Variants in SORCS2 observed in about 807,000 individuals in gnomAD.
SORCS2 encodes sortilin related VPS10 domain containing receptor 2, also known as VPS10 domain-containing receptor SorCS2.
SORCS2 carries 100 observed loss-of-function variants against 141.6 expected under a neutral mutation model. The ratio of observed to expected loss-of-function variants is 0.71; its 90% CI spans 0.60 to 0.83. The LOEUF (loss-of-function observed/expected upper bound fraction) is 0.83. SORCS2 is among the 40% of genes least tolerant of loss of function. SORCS2 has a pLI of 0.00. For synonymous variants in SORCS2, 789 were observed against 676.9 expected (o/e 1.17, Z -2.57); for missense variants, 1,646 against 1,560.2 (o/e 1.05, Z -0.93).
chr4:7,448,527 T>TCTTC (rs372050346), intron 2 of SORCS2, among the ~76,000 whole-genome samples: 3 of 121,534 alleles, frequency 2.5e-5, no homozygotes, highest in South Asian at 3.0e-4. Flanking sequence ...TCCCTTCCTC[T>TCTTC]CTTCCTTCCT....
chr4:7,676,271 C>G (rs569628985), intron 9 of SORCS2, 42 bp downstream of exon 9: 2 of 1,539,004 alleles, frequency 1.3e-6, no homozygotes, highest in East Asian at 4.9e-5. Flanking sequence ...CCGCCGACCC[C>G]CTGCCCTCTG....
At chr4:7,616,124 C>T (rs1718739829) in intron 3 of SORCS2, among the ~76,000 whole-genome samples, 1 of 152,146 alleles carries the variant, frequency 6.6e-6, no homozygotes, top group Non-Finnish European at 1.5e-5. Context: ...AGGGATGGAG[C>T]CTGGCAGGTG....
chr4:7,422,078 C>A (rs895045411), intron 2 of SORCS2, among the ~76,000 whole-genome samples: 13 of 152,312 alleles, frequency 8.5e-5, no homozygotes, highest in African/African-American at 3.1e-4. Flanking sequence ...CCTCCATGAG[C>A]CCTGCATTTC....
chr4:7,656,664 G>A (rs562615396), intron 5 of SORCS2, among the ~76,000 whole-genome samples: 3 of 152,200 alleles, frequency 2.0e-5, no homozygotes, highest in South Asian at 2.1e-4. Flanking sequence ...GGGCTTCACC[G>A]GGTGTTCCTG....
chr4:7,192,754 CCTGCT>C lies in SORCS2; in HGVS notation c.109_113del (p.Leu37AlafsTer16). 2 of 998,876 alleles carry C rather than the reference CCTGCT, an allele frequency of 2.0e-6. No individual in the cohort carries two copies. Among genetic ancestry groups the C allele is most frequent in the Non-Finnish European group, 2.4e-6 (2 of 840,838 alleles). 61.9% of individuals were successfully genotyped at this position (998,876 alleles called of 1,614,324 possible). On this transcript the variant is annotated frameshift_variant, in exon 1 of 27. Coordinates refer to ENST00000507866, the MANE Select transcript of SORCS2 (RefSeq NM_020777.3). LOFTEE classifies it high-confidence loss of function. This position sits in a 1 kb window ranked among gnomAD's most constrained non-coding sequence, Gnocchi z 4.0. The stretch of plus-strand genomic sequence containing the variant: ...CGCGCTCGCCGCGCTCGCGGCCGCT[CCTGCT>C]GCTGCTGCTGCTGCTGGGCGCCTGC...
intron 1 of SORCS2, among the ~76,000 whole-genome samples, chr4:7,253,496 TGCACGAGGACCCCTCTGG>T (rs1398777319): frequency 6.6e-6 from 1 of 152,112 alleles, no homozygotes; most frequent in African/African-American, 2.4e-5. Context: ...CCTGCAGGGG[TGCACGAGGACCCCTCTGG>T]TGCCTGCCTT....
intron 11 of SORCS2, among the ~76,000 whole-genome samples, chr4:7,690,429 G>T (rs567096833): frequency 6.6e-6 from 1 of 150,796 alleles, no homozygotes; most frequent in South Asian, 2.1e-4. Context: ...TGGGTGTGTG[G>T]GTGGGTGGAT....
intron 1 of SORCS2, among the ~76,000 whole-genome samples, chr4:7,311,615 C>T (rs1013219143): frequency 1.3e-5 from 2 of 149,992 alleles, no homozygotes; most frequent in East Asian, 2.1e-4. Context: ...GATCTCATTA[C>T]GGTTTTGGTT....
intron 2 of SORCS2, among the ~76,000 whole-genome samples, chr4:7,497,422 A>G (rs1731695403): frequency 6.6e-6 from 1 of 151,490 alleles, no homozygotes; most frequent in African/African-American, 2.4e-5. Context: ...TCCCAAACCC[A>G]CACCCAGTGA....
intron 2 of SORCS2, among the ~76,000 whole-genome samples, chr4:7,529,155 G>A (rs1459285716): frequency 6.6e-6 from 1 of 152,228 alleles, no homozygotes; most frequent in Middle Eastern, 3.4e-3. Flanking sequence ...ACTCAAGCCC[G>A]TCCAAATGCC....
At position 7,404,793 on chromosome 4, in the gene SORCS2, G is replaced by A. The variant is rs111784800; in HGVS notation, c.548+8438G>A. On this transcript the variant is annotated intron_variant, in intron 2 of 26. Transcript: ENST00000507866. ...GAATAGTTTGCAAATATTTTCTCCCGTTGTGTAGGTTGTCTGTCCATGCTG... is the reference window on the plus strand; with the variant it reads ...GAATAGTTTGCAAATATTTTCTCCCATTGTGTAGGTTGTCTGTCCATGCTG... Among the ~76,000 whole-genome samples, 753 of 152,062 alleles carry A rather than the reference G, an allele frequency of 5.0e-3. 10 individuals are homozygous for A. The highest frequency in any genetic ancestry group is 0.017 in the African/African-American group (714 of 41,504).
intron 2 of SORCS2, among the ~76,000 whole-genome samples, chr4:7,456,313 G>A (rs1198970150): frequency 6.6e-6 from 1 of 152,160 alleles, no homozygotes; most frequent in African/African-American, 2.4e-5. Flanking sequence ...GTGAATGAAT[G>A]AATGAATGAA....
At chr4:7,479,168 C>T (rs71601846) in intron 2 of SORCS2, among the ~76,000 whole-genome samples, 11,873 of 151,616 alleles carry the variant, frequency 0.078, 684 homozygotes, top group South Asian at 0.24. Flanking sequence ...AGCCAGCTGC[C>T]CTCTCTCTCG....
At chr4:7,639,897 AAG>A (rs1337846669) in intron 4 of SORCS2, among the ~76,000 whole-genome samples, 4 of 141,506 alleles carry the variant, frequency 2.8e-5, no homozygotes, top group Non-Finnish European at 6.1e-5. Flanking sequence ...GTGCACGTGA[AAG>A]TGTGTTTGTG....
intron 2 of SORCS2, among the ~76,000 whole-genome samples, chr4:7,419,035 G>A (rs541490744): frequency 2.0e-5 from 3 of 152,224 alleles, no homozygotes; most frequent in Non-Finnish European, 4.4e-5. Context: ...AGTCACGTAA[G>A]ATCACTTCTG....
At chr4:7,417,094 G>A (rs1560267252) in intron 2 of SORCS2, among the ~76,000 whole-genome samples, 5 of 152,130 alleles carry the variant, frequency 3.3e-5, no homozygotes, top group East Asian at 3.9e-4. Flanking sequence ...TGGGAAACAC[G>A]AGGAAACTGT....
intron 1 of SORCS2, among the ~76,000 whole-genome samples, chr4:7,240,933 A>G (rs1178718501): frequency 1.3e-5 from 2 of 152,112 alleles, no homozygotes; most frequent in African/African-American, 4.8e-5. Context: ...ATAATTTATT[A>G]TTATTATTAT....
In SORCS2 at chr4:7,704,261, A is replaced by G. The variant is rs1725270880; in HGVS notation, c.1845A>G (p.Pro615=). 6.2e-7 allele frequency: 1 copy of G among 1,612,238 alleles called. No homozygotes were observed. Among genetic ancestry groups the G allele is most frequent in the Non-Finnish European group, 8.5e-7 (1 of 1,179,356 alleles). The change falls in exon 14 of 27, where the codon CCA becomes CCG. Residue 615 remains proline, a synonymous_variant. Transcript: ENST00000507866. The part of the protein sequence containing the change: ...SVFVDGLLSE[P]GDETLVMTVF... The stretch of plus-strand genomic sequence containing the variant: ...TTGTGGACGGGCTGCTGAGTGAGCC[A>G]GGGGACGAGACGCTGGTCATGACGT...
chr4:7,706,933 C>A (rs980613269), intron 14 of SORCS2, among the ~76,000 whole-genome samples: 1 of 152,170 alleles, frequency 6.6e-6, no homozygotes, highest in African/African-American at 2.4e-5. Context: ...GAGACACCAC[C>A]ACTGACCCCT....
Sources: allele counts gnomAD v4.1 joint callset (sites outside exome capture counted in the v4.1 genomes callset), GRCh38; gene constraint gnomAD v4.1.1; non-coding constraint Gnocchi (gnomAD v3.1); transcripts MANE v1.5; gene names NCBI Gene and HGNC (gene_info 2026-07-23, HGNC 2026-07-21).